RBM6: variants seen among roughly 807,000 people sequenced by gnomAD.
RBM6 encodes the protein RNA-binding protein 6.
Under a neutral mutation model 140.4 loss-of-function variants are expected in RBM6, and 23 were observed. The ratio of observed to expected loss-of-function variants is 0.16; its 90% CI spans 0.12 to 0.23. RBM6 has a LOEUF of 0.23. Ranked by LOEUF, RBM6 falls within the 10% of genes least tolerant of loss-of-function variation. RBM6 has a pLI of 1.00. For missense variants in RBM6, 1,139 were observed against 1,386.7 expected (o/e 0.82, Z 2.84); for synonymous variants, 439 against 475.6 (o/e 0.92, Z 1.00).
intron 5 of RBM6, among the ~76,000 whole-genome samples, chr3:49,996,680 T>C (rs949367977): frequency 6.6e-6 from 1 of 152,234 alleles, no homozygotes; most frequent in Non-Finnish European, 1.5e-5. Context: ...ATATTTAAAA[T>C]AGAAGCAACT....
intron 6 of RBM6, among the ~76,000 whole-genome samples, chr3:50,033,141 A>G (rs1387078610): frequency 6.6e-6 from 1 of 151,772 alleles, no homozygotes; most frequent in Non-Finnish European, 1.5e-5. Context: ...TACTAAAAAT[A>G]CAAAAATTAG....
Position 49,962,577 on chromosome 3 carries a change from T to C in RBM6, c.-65T>C. 7.1e-7 allele frequency: 1 copy of C among 1,411,010 alleles called. No individual in the cohort carries two copies. Among genetic ancestry groups the C allele is most frequent in the East Asian group, 2.4e-5 (1 of 41,368 alleles). The allele number at this position is 1,411,010 out of a possible 1,614,324, so 87.4% of individuals were successfully genotyped here. ...ATTTTTGTGGTTTATTTTGTACAGG[T>C]ACTGCTATAACCAGAATTTGGTAGA... On this transcript the variant is annotated splice_region_variant and 5_prime_UTR_variant, in exon 2 of 21. Coordinates refer to ENST00000266022, the MANE Select transcript of RBM6 (RefSeq NM_005777.3).
At chr3:50,052,011 T>C (rs2108890763) in intron 7 of RBM6, among the ~76,000 whole-genome samples, 1 of 152,378 alleles carries the variant, frequency 6.6e-6, no homozygotes, top group East Asian at 1.9e-4. Flanking sequence ...ATGGTTGCAC[T>C]ATACATTTAC....
At chr3:50,011,871 G>A (rs1398547406) in intron 6 of RBM6, among the ~76,000 whole-genome samples, 1 of 147,168 alleles carries the variant, frequency 6.8e-6, no homozygotes, top group Non-Finnish European at 1.5e-5. Flanking sequence ...TTTTTTCTGG[G>A]ACACAGGATC....
At chr3:49,960,595 T>G (rs1559526346) in intron 1 of RBM6, among the ~76,000 whole-genome samples, 1 of 152,200 alleles carries the variant, frequency 6.6e-6, no homozygotes, top group Non-Finnish European at 1.5e-5. Context: ...ATTTAAGAAA[T>G]CATTGCCAAA....
intron 5 of RBM6, among the ~76,000 whole-genome samples, chr3:49,980,523 G>A (rs1033793068): frequency 9.9e-5 from 15 of 151,442 alleles, no homozygotes; most frequent in Non-Finnish European, 2.1e-4. Context: ...ACTTTGGGAG[G>A]CCAAGGCAGG....
At chr3:50,061,077 G>A in intron 12 of RBM6, 63 bp from the exon 13 acceptor site, 1 of 1,609,202 alleles carries the variant, frequency 6.2e-7, no homozygotes, top group Non-Finnish European at 8.5e-7. Flanking sequence ...TCTTTAGTGG[G>A]TGACTGTTAA....
Position 50,066,458 on chromosome 3 carries a change from A to C in RBM6, c.2899A>C (p.Lys967Gln). 1.9e-6 allele frequency: 3 copies of C among 1,613,804 alleles called. No individual in the cohort carries two copies. The highest frequency in any genetic ancestry group is 2.5e-6 in the Non-Finnish European group (3 of 1,180,024). The change falls in exon 17 of 21, where the codon AAA (lysine) becomes CAA (glutamine). Residue 967 changes from lysine (K) to glutamine (Q), a missense_variant. By Grantham distance (53) the Lys-to-Gln change is moderately conservative. Around this residue, in one of 9 missense-constraint regions of RBM6, gnomAD observed 40 missense variants for 80.1 expected, o/e 0.50. Transcript: ENST00000266022. The part of the protein sequence containing the change: ...CLLCRRQFPN[K>Q]EVLIKHQQLS... ...GCTTTGCAGAAGGCAGTTTCCCAAT[A>C]AAGAAGTTCTGATCAAACACCAGCA...
intron 1 of RBM6, among the ~76,000 whole-genome samples, chr3:49,953,795 CA>C (rs750390462): frequency 6.6e-6 from 1 of 152,024 alleles, no homozygotes; most frequent in Non-Finnish European, 1.5e-5. Context: ...GCTGGGGTTA[CA>C]AGCGTGAGCC....
chr3:49,966,562 G>A (rs2084526738), intron 2 of RBM6, among the ~76,000 whole-genome samples: 2 of 152,232 alleles, frequency 1.3e-5, no homozygotes, highest in South Asian at 4.2e-4. Flanking sequence ...TTAATACTAT[G>A]TCTATTTTTA....
intron 1 of RBM6, among the ~76,000 whole-genome samples, chr3:49,945,881 CAA>C (rs67271820): frequency 9.7e-5 from 6 of 61,924 alleles, no homozygotes; most frequent in Admixed American, 1.9e-4. Context: ...GACTCCATCT[CAA>C]AAAAAAAAAA....
rs2085348243 is a variant in RBM6, at chr3:49,982,345, C to G, written c.1483+6953C>G. ...AGGCTGCCCTTGACCTCCTGTCAAG[C>G]AGTCCTCCCACCTTAGCTTCCTGAG... On this transcript the variant is annotated intron_variant, in intron 5 of 20. Coordinates refer to ENST00000266022, the MANE Select transcript of RBM6 (RefSeq NM_005777.3). Among the ~76,000 whole-genome samples, 4 of 144,606 alleles carry G rather than the reference C, an allele frequency of 2.8e-5. No individual in the cohort carries two copies. In the South Asian group the frequency reaches 8.8e-4, roughly 32 times the overall value. 94.9% of individuals were successfully genotyped at this position (144,606 alleles called of 152,430 possible).
At chr3:50,039,761 G>A (rs1338496776) in intron 6 of RBM6, among the ~76,000 whole-genome samples, 1 of 152,152 alleles carries the variant, frequency 6.6e-6, no homozygotes, top group Non-Finnish European at 1.5e-5. Context: ...TGTGATGAAG[G>A]AATTTGTTGA....
In RBM6 at chr3:50,060,903, C is replaced by T. The variant is rs572211736; in HGVS notation, c.2229-53C>T. 4.2e-5 allele frequency: 63 copies of T among 1,509,720 alleles called. No individual in the cohort carries two copies. In the East Asian group the frequency reaches 1.1e-3, roughly 26 times the overall value. The allele number at this position is 1,509,720 out of a possible 1,614,324, so 93.5% of individuals were successfully genotyped here. On this transcript the variant is annotated intron_variant, in intron 11 of 20. Transcript: ENST00000266022. Reference sequence around the variant, plus strand: ...GATAGGAACTGTAGGATTAAGTACTCGTCAAATGCCACTTGGTAGCAGCCT... The same window carrying T: ...GATAGGAACTGTAGGATTAAGTACTTGTCAAATGCCACTTGGTAGCAGCCT...
chr3:50,070,607 C>T, intron 19 of RBM6, 55 bp downstream of exon 19: 4 of 1,258,654 alleles, frequency 3.2e-6, no homozygotes, highest in East Asian at 2.3e-5. Context: ...ATAAAACCAC[C>T]TCCTCCTTCA....
At chr3:50,067,740 C>A (rs1268549061) in intron 17 of RBM6, among the ~76,000 whole-genome samples, 1 of 152,218 alleles carries the variant, frequency 6.6e-6, no homozygotes. Context: ...CTCACATTCT[C>A]AGAGCAATTT....
chr3:50,069,240 C>T (rs185459419), intron 18 of RBM6, among the ~76,000 whole-genome samples: 56 of 152,226 alleles, frequency 3.7e-4, no homozygotes, highest in Non-Finnish European at 2.9e-5. Context: ...GGGTCAGGCA[C>T]GGTGGCTCAC....
At chr3:49,943,555 T>A (rs1319559112) in intron 1 of RBM6, among the ~76,000 whole-genome samples, 1 of 152,184 alleles carries the variant, frequency 6.6e-6, no homozygotes, top group Admixed American at 6.6e-5. Context: ...GTGATCCTCC[T>A]GTCTTGGCCT....
chr3:49,950,903 C>T (rs1464221413), intron 1 of RBM6, among the ~76,000 whole-genome samples: 3 of 152,082 alleles, frequency 2.0e-5, no homozygotes, highest in Non-Finnish European at 4.4e-5. Flanking sequence ...TACCCATGTT[C>T]ATAACAGCGT....
Sources: allele counts gnomAD v4.1 joint callset (sites outside exome capture counted in the v4.1 genomes callset), GRCh38; gene constraint gnomAD v4.1.1; regional missense constraint gnomAD v4.1.1; transcripts MANE v1.5; gene names NCBI Gene and HGNC (gene_info 2026-07-23, HGNC 2026-07-21).